The following SPOP variants were observed in gnomAD, a reference collection of about 807,000 sequenced individuals.
SPOP encodes speckle type BTB/POZ protein.
Under a neutral mutation model 45.6 loss-of-function variants are expected in SPOP, and 11 were observed. That is an observed-to-expected ratio of 0.24 (90% CI 0.15 to 0.40). SPOP has a LOEUF of 0.40. Among genes scored for constraint, SPOP ranks in the 10% least tolerant of loss-of-function variants. SPOP has a pLI of 1.00. For missense variants in SPOP, 152 were observed against 465.6 expected (o/e 0.33, Z 6.20); for synonymous variants, 166 against 166.3 (o/e 1.00, Z 0.01).
chr17:49,601,929 G>C lies in SPOP; in HGVS notation c.916C>G (p.Leu306Val). 6.2e-7 allele frequency: 1 copy of C among 1,614,182 alleles called. No homozygotes were observed. The highest frequency in any genetic ancestry group is 8.5e-7 in the Non-Finnish European group (1 of 1,180,002). ...NLSVENAAEI[L>V]ILADLHSADQ... ...GCACTGTGGAGGTCGGCCAGGATGA[G>C]AATTTCTGCAGCGTTCTCCACGGAC... Residue 306 changes from leucine (L) to valine (V), a missense_variant, in exon 9 of 10, where the codon CTC becomes GTC. Around this residue, in one of 3 missense-constraint regions of SPOP, gnomAD observed 106 missense variants for 255.2 expected, o/e 0.42. Coordinates refer to ENST00000504102, the MANE Select transcript of SPOP (RefSeq NM_001007228.2).
chr17:49,662,275 C>T (rs1366637161), intron 1 of SPOP, among the ~76,000 whole-genome samples: 1 of 152,152 alleles, frequency 6.6e-6, no homozygotes, highest in Admixed American at 6.5e-5. Flanking sequence ...GTATGTACTA[C>T]TACATGAGAC....
intron 1 of SPOP, among the ~76,000 whole-genome samples, chr17:49,647,412 G>A (rs896054432): frequency 6.7e-5 from 10 of 150,358 alleles, no homozygotes; most frequent in African/African-American, 2.5e-4. Flanking sequence ...TAATGGGTTC[G>A]TGTCTACTTC....
chr17:49,624,249 G>A (rs1162259566), intron 1 of SPOP, among the ~76,000 whole-genome samples: 2 of 151,634 alleles, frequency 1.3e-5, no homozygotes, highest in Admixed American at 6.6e-5. Flanking sequence ...TAATAATATC[G>A]TATTGTATAA....
At chr17:49,639,743 A>G (rs1597954566) in intron 1 of SPOP, among the ~76,000 whole-genome samples, 2 of 152,328 alleles carry the variant, frequency 1.3e-5, no homozygotes, top group African/African-American at 4.8e-5. Flanking sequence ...ATAAAGAAAA[A>G]TAAGGATATG....
At position 49,610,899 on chromosome 17, in the gene SPOP, T is replaced by C. The variant is rs73331445; in HGVS notation, c.658+381A>G. ...GGCTAACCCCTCCAGGGCTGAGGAC[T>C]AGCTAGATGGCATTTAGTCCTGAGT... On this transcript the variant is annotated intron_variant, in intron 6 of 9. Coordinates refer to ENST00000504102, the MANE Select transcript of SPOP (RefSeq NM_001007228.2). Among the ~76,000 whole-genome samples, 1,304 of 152,316 alleles carry C rather than the reference T, an allele frequency of 8.6e-3. 19 individuals are homozygous for C. The highest frequency in any genetic ancestry group is 0.03 in the African/African-American group (1,226 of 41,554).
chr17:49,672,878 C>A (rs1032869717), intron 1 of SPOP, among the ~76,000 whole-genome samples: 1 of 151,650 alleles, frequency 6.6e-6, no homozygotes, highest in African/African-American at 2.4e-5. Context: ...ACCCTGGACG[C>A]AAAGGTTGCA....
Position 49,619,244 on chromosome 17 carries a change from G to C in SPOP, c.342C>G (p.Thr114=), listed in dbSNP as rs758435270. The change falls in exon 4 of 10, where the codon ACC becomes ACG. Residue 114 remains threonine, a synonymous_variant. Transcript: ENST00000504102. The surrounding 1 kb of genome is among the most constrained non-coding windows in gnomAD (Gnocchi z 4.9). ...FSILNAKGEE[T]KAMESQRAYR... ...GAGGAGAACATTTACCCATAGCTTT[G>C]GTTTCTTCTCCCTTGGCATTCAGGA... 1.2e-6 allele frequency: 2 copies of C among 1,614,012 alleles called. No individual in the cohort carries two copies. The highest frequency in any genetic ancestry group is 1.7e-6 in the Non-Finnish European group (2 of 1,180,024).
chr17:49,647,209 G>A (rs1020815628), intron 1 of SPOP, among the ~76,000 whole-genome samples: 1 of 150,230 alleles, frequency 6.7e-6, no homozygotes, highest in Non-Finnish European at 1.5e-5. Flanking sequence ...GCGGGAGGCT[G>A]AGGCTGGAGA....
intron 6 of SPOP, 140 bp downstream of exon 6, chr17:49,611,140 G>T: frequency 1.1e-6 from 1 of 922,654 alleles, no homozygotes; most frequent in Non-Finnish European, 1.6e-6. Context: ...CATTGTTACC[G>T]GAATACAAAG....
At chr17:49,658,371 C>A (rs1204290532) in intron 1 of SPOP, among the ~76,000 whole-genome samples, 1 of 152,076 alleles carries the variant, frequency 6.6e-6, no homozygotes. Flanking sequence ...AAAGCAAATA[C>A]TTTTATTCTG....
intron 1 of SPOP, among the ~76,000 whole-genome samples, chr17:49,667,418 C>T (rs1005840286): frequency 1.3e-5 from 2 of 151,006 alleles, no homozygotes; most frequent in African/African-American, 4.9e-5. Context: ...GGCGAAACCT[C>T]GTCTCTACTA....
intron 1 of SPOP, among the ~76,000 whole-genome samples, chr17:49,662,569 C>G (rs966792504): frequency 5.9e-5 from 9 of 152,010 alleles, no homozygotes; most frequent in Non-Finnish European, 1.0e-4. Context: ...CGCCTGTAAT[C>G]CCAGCTACTC....
chr17:49,671,570 A>T (rs1380346360), intron 1 of SPOP, among the ~76,000 whole-genome samples: 1 of 152,154 alleles, frequency 6.6e-6, no homozygotes, highest in Non-Finnish European at 1.5e-5. Flanking sequence ...GGTAAAACAG[A>T]ATAAACTAAA....
chr17:49,606,781 C>A (rs1422925219), intron 8 of SPOP, among the ~76,000 whole-genome samples: 1 of 152,136 alleles, frequency 6.6e-6, no homozygotes, highest in African/African-American at 2.4e-5. Flanking sequence ...CAGGCATGAG[C>A]CACTGTGCCT....
intron 1 of SPOP, among the ~76,000 whole-genome samples, chr17:49,677,269 G>C (rs1567810574): frequency 6.6e-6 from 1 of 152,220 alleles, no homozygotes; most frequent in Non-Finnish European, 1.5e-5. Context: ...AACGATGGGA[G>C]TATAGGAATG....
At chr17:49,675,997 G>A (rs1007707925) in intron 1 of SPOP, 7 of 152,010 alleles carry the variant, frequency 4.6e-5, no homozygotes, top group African/African-American at 1.7e-4. Flanking sequence ...TCCAGCCTGG[G>A]TGACAGAGCA....
intron 1 of SPOP, among the ~76,000 whole-genome samples, chr17:49,623,805 T>C (rs1275871939): frequency 6.6e-6 from 1 of 152,194 alleles, no homozygotes; most frequent in African/African-American, 2.4e-5. Flanking sequence ...TCTCCTTTAC[T>C]AGATTATCTT....
Position 49,666,695 on chromosome 17 carries a change from G to A in SPOP, c.-67+11238C>T, listed in dbSNP as rs750211947. On this transcript the variant is annotated intron_variant, in intron 1 of 9. Transcript: ENST00000504102. The stretch of plus-strand genomic sequence containing the variant: ...ATACAAAAACAAGCCTGGTGTGGTG[G>A]TGGGCACCTGTAATCCCAGCTACTT... Among the ~76,000 whole-genome samples the A allele has an allele frequency of 4.5e-4, 69 of 152,028 alleles. 1 individual carries two copies. Among genetic ancestry groups the A allele is most frequent in the Admixed American group, 4.1e-3 (62 of 15,268 alleles).
intron 1 of SPOP, chr17:49,646,338 C>G (rs535523154): frequency 5.3e-5 from 8 of 152,380 alleles, no homozygotes; most frequent in Admixed American, 5.2e-4. Context: ...CCAAGGTGGG[C>G]AGATCACTTG....
Sources: gnomAD v4.1 joint callset for allele counts (sites outside exome capture counted in the v4.1 genomes callset) on GRCh38, gnomAD v4.1.1 for gene constraint, gnomAD v4.1.1 regional missense constraint, Gnocchi (gnomAD v3.1) non-coding constraint, MANE v1.5 for transcripts, NCBI Gene and HGNC (gene_info 2026-07-23, HGNC 2026-07-21) for gene names.